Variants in ARL15 observed in about 807,000 individuals in gnomAD.
ARL15 encodes ARF like GTPase 15.
A neutral mutation model predicts 25.2 loss-of-function variants in ARL15; 19 were observed. The observed-to-expected ratio is 0.75, with a 90% CI of 0.53 to 1.10. ARL15 has a LOEUF of 1.10. Among genes scored for constraint, ARL15 ranks in the 50% least tolerant of loss-of-function variants. The pLI is 0.00. For synonymous variants in ARL15, 94 were observed against 86.8 expected, an observed-to-expected ratio of 1.08 and a Z score of -0.46; for missense variants, 220 against 246.0, an observed-to-expected ratio of 0.89 and a Z score of 0.71.
At chr5:54,309,453 C>T (rs1295600184) in intron 1 of ARL15, among the ~76,000 whole-genome samples, 1 of 152,232 alleles carries the variant, frequency 6.6e-6, no homozygotes, top group Non-Finnish European at 1.5e-5. Flanking sequence ...AAATCTCTGC[C>T]AGGCCAATCT....
rs554659279 is a variant in ARL15, at chr5:53,896,089, A to C, written c.463-9376T>G. Among the ~76,000 whole-genome samples, 3 of 151,982 alleles carry C rather than the reference A, an allele frequency of 2.0e-5. No homozygotes were observed. The East Asian group carries it at 5.9e-4, about 30-fold the overall frequency. ...TGCTCTGTCACCCAGGCTGGAGTGC[A>C]ATGGCACCATGTCGGCTTGCTGCAA... On this transcript the variant is annotated intron_variant, in intron 4 of 4. Coordinates refer to ENST00000504924, the MANE Select transcript of ARL15 (RefSeq NM_019087.3).
chr5:54,234,030 G>A (rs1011487874), intron 1 of ARL15, among the ~76,000 whole-genome samples: 2 of 151,886 alleles, frequency 1.3e-5, no homozygotes, highest in African/African-American at 2.4e-5. Context: ...AGACAGTCTC[G>A]CTCTGTTGCC....
chr5:53,939,391 T>G (rs1250299478), intron 4 of ARL15, among the ~76,000 whole-genome samples: 1 of 152,180 alleles, frequency 6.6e-6, no homozygotes, highest in Non-Finnish European at 1.5e-5. Context: ...CTTCACAAAT[T>G]TTTGGACTGA....
At chr5:54,269,937 G>A (rs1030173879) in intron 1 of ARL15, among the ~76,000 whole-genome samples, 4 of 152,180 alleles carry the variant, frequency 2.6e-5, no homozygotes, top group Non-Finnish European at 5.9e-5. Context: ...GAGCCACCAC[G>A]CCCGGCCTGA....
At chr5:53,952,741 T>C (rs1257100024) in intron 4 of ARL15, among the ~76,000 whole-genome samples, 1 of 152,174 alleles carries the variant, frequency 6.6e-6, no homozygotes. Flanking sequence ...CAATGACTTT[T>C]TATTATTAGG....
chr5:53,962,076 T>C (rs537100644), intron 4 of ARL15, among the ~76,000 whole-genome samples: 2 of 152,276 alleles, frequency 1.3e-5, no homozygotes, highest in Admixed American at 1.3e-4. Flanking sequence ...CTTTCACAAG[T>C]ATATTCTTAG....
At chr5:54,134,809 T>A (rs950073973) in intron 3 of ARL15, among the ~76,000 whole-genome samples, 3 of 151,984 alleles carry the variant, frequency 2.0e-5, no homozygotes, top group African/African-American at 7.2e-5. Context: ...GGTCTCAATC[T>A]CTTGACATGG....
At chr5:54,158,363 G>C (rs146992184) in intron 2 of ARL15, among the ~76,000 whole-genome samples, 2 of 152,110 alleles carry the variant, frequency 1.3e-5, no homozygotes, top group Admixed American at 6.5e-5. Context: ...ACCCCTCCTA[G>C]GTGATTTTCA....
At chr5:54,142,517 G>T (rs1046242469) in intron 3 of ARL15, among the ~76,000 whole-genome samples, 1 of 152,112 alleles carries the variant, frequency 6.6e-6, no homozygotes, top group African/African-American at 2.4e-5. Flanking sequence ...AGCCACGAGG[G>T]TTGATCAGTG....
At chr5:54,269,242 T>G (rs979745902) in intron 1 of ARL15, among the ~76,000 whole-genome samples, 4 of 150,234 alleles carry the variant, frequency 2.7e-5, no homozygotes, top group African/African-American at 5.0e-5. Context: ...TAAAATAAAA[T>G]AAAATAAAAG....
intron 3 of ARL15, among the ~76,000 whole-genome samples, chr5:54,121,536 C>A (rs1753075789): frequency 6.6e-6 from 1 of 152,172 alleles, no homozygotes; most frequent in South Asian, 2.1e-4. Context: ...CACTTTATAA[C>A]TCATAAATAA....
intron 4 of ARL15, among the ~76,000 whole-genome samples, chr5:53,989,235 T>C (rs923931095): frequency 2.6e-5 from 4 of 152,130 alleles, no homozygotes; most frequent in African/African-American, 9.7e-5. Context: ...GGATAAAAAA[T>C]AACATTTCTA....
At chr5:54,157,904 T>C (rs1280620183) in intron 2 of ARL15, among the ~76,000 whole-genome samples, 5 of 152,226 alleles carry the variant, frequency 3.3e-5, no homozygotes, top group Non-Finnish European at 5.9e-5. Context: ...ATAGACTGAT[T>C]AGTCCAGAAA....
At chr5:53,943,549 TCA>T (rs1203122134) in intron 4 of ARL15, among the ~76,000 whole-genome samples, 3 of 152,186 alleles carry the variant, frequency 2.0e-5, no homozygotes, top group African/African-American at 7.2e-5. Flanking sequence ...TCTGTCATGT[TCA>T]GTTTTTCTGA....
chr5:54,216,952 A>G (rs1756225328), intron 1 of ARL15, among the ~76,000 whole-genome samples: 1 of 152,146 alleles, frequency 6.6e-6, no homozygotes, highest in Admixed American at 6.5e-5. Flanking sequence ...AACAAAAAAC[A>G]TTAACATTAC....
At chr5:54,202,147 C>A (rs1225682045) in intron 1 of ARL15, among the ~76,000 whole-genome samples, 1 of 152,070 alleles carries the variant, frequency 6.6e-6, no homozygotes, top group Non-Finnish European at 1.5e-5. Flanking sequence ...TAAGAAACAA[C>A]CACTCATATT....
At chr5:53,908,788 A>G (rs371461545) in intron 4 of ARL15, among the ~76,000 whole-genome samples, 10 of 152,306 alleles carry the variant, frequency 6.6e-5, no homozygotes, top group African/African-American at 2.2e-4. Context: ...TGACTTCCCT[A>G]TTTGACAAAA....
intron 4 of ARL15, among the ~76,000 whole-genome samples, chr5:54,028,304 GATTAA>G (rs954436434): frequency 6.6e-6 from 1 of 151,994 alleles, no homozygotes; most frequent in African/African-American, 2.4e-5. Context: ...TCGGTCAAAA[GATTAA>G]ATTATTTTCA....
At chr5:54,041,203 T>C (rs948743997) in intron 4 of ARL15, among the ~76,000 whole-genome samples, 6 of 152,222 alleles carry the variant, frequency 3.9e-5, no homozygotes, top group Non-Finnish European at 5.9e-5. Flanking sequence ...TGAAAATCTA[T>C]TTATAGAGTA....
Sources: gnomAD v4.1 joint callset for allele counts (sites outside exome capture counted in the v4.1 genomes callset) on GRCh38, gnomAD v4.1.1 for gene constraint, MANE v1.5 for transcripts, NCBI Gene and HGNC (gene_info 2026-07-23, HGNC 2026-07-21) for gene names.